SLC35F2: variants seen among roughly 807,000 people sequenced by gnomAD.
SLC35F2 encodes queuine/queuosine transporter SLC35F2.
In SLC35F2, 25 loss-of-function variants were observed where a neutral mutation model predicts 38.1. The observed-to-expected ratio is 0.66, with a 90% CI of 0.48 to 0.92. The LOEUF is 0.92. SLC35F2 is among the 40% of genes least tolerant of loss of function. SLC35F2 has a pLI of 0.00. For missense variants in SLC35F2, 409 were observed against 452.9 expected, an observed-to-expected ratio of 0.90 and a Z score of 0.88; for synonymous variants, 173 against 181.7, an observed-to-expected ratio of 0.95 and a Z score of 0.38.
intron 1 of SLC35F2, among the ~76,000 whole-genome samples, chr11:107,856,510 C>A (rs1048050399): frequency 2.0e-5 from 3 of 152,214 alleles, no homozygotes; most frequent in African/African-American, 7.2e-5. Flanking sequence ...GCCTGGTCAA[C>A]ATGGGGAAAC....
chr11:107,836,736 G>C (rs71464783), intron 1 of SLC35F2, among the ~76,000 whole-genome samples: 82,240 of 151,522 alleles, frequency 0.54, 23,728 homozygotes, highest in African/African-American at 0.77. Context: ...CCGGGAAGAT[G>C]AATGTTGGCT....
intron 1 of SLC35F2, among the ~76,000 whole-genome samples, chr11:107,833,930 C>CA (rs1859889956): frequency 6.6e-6 from 1 of 152,272 alleles, no homozygotes; most frequent in African/African-American, 2.4e-5. Flanking sequence ...CAAATGGTTA[C>CA]AAAAAAGCAA....
intron 2 of SLC35F2, among the ~76,000 whole-genome samples, chr11:107,812,672 G>A (rs1565431511): frequency 6.6e-6 from 1 of 152,034 alleles, no homozygotes; most frequent in Non-Finnish European, 1.5e-5. Context: ...CATGTATGCT[G>A]GAACTTAAAA....
chr11:107,820,084 A>C (rs112393278), intron 1 of SLC35F2, among the ~76,000 whole-genome samples: 8,355 of 151,776 alleles, frequency 0.055, 461 homozygotes, highest in African/African-American at 0.14. Flanking sequence ...GGTGAAACCC[A>C]GTCTCTACTA....
chr11:107,855,606 C>T (rs1044557229), intron 1 of SLC35F2, among the ~76,000 whole-genome samples: 19 of 151,188 alleles, frequency 1.3e-4, no homozygotes, highest in East Asian at 3.9e-4. Flanking sequence ...GAGCCGAGAT[C>T]GCGCCATTGA....
chr11:107,805,647 T>C lies in SLC35F2; in HGVS notation c.575-132A>G, dbSNP rs17107496. On this transcript the variant is annotated intron_variant, in intron 4 of 7. Coordinates refer to ENST00000525815, the MANE Select transcript of SLC35F2 (RefSeq NM_017515.5). ...AAGAAGAAACTGGTTACTAGAAGTT[T>C]ATGTGTGAGAGTGTGTGTGTGTGTA... The C allele has an allele frequency of 0.027, 39,889 of 1,451,728 alleles. 4,676 individuals carry two copies. The East Asian group carries it at 0.31, about 11-fold the overall frequency. 89.9% of individuals were successfully genotyped at this position (1,451,728 alleles called of 1,614,324 possible).
At chr11:107,853,992 G>A (rs998781447) in intron 1 of SLC35F2, among the ~76,000 whole-genome samples, 3 of 152,036 alleles carry the variant, frequency 2.0e-5, no homozygotes, top group Non-Finnish European at 4.4e-5. Flanking sequence ...CAAGATGGGA[G>A]GATTGCTTGA....
chr11:107,811,372 A>T (rs1468653125), intron 3 of SLC35F2: 3 of 429,666 alleles, frequency 7.0e-6, no homozygotes, highest in Admixed American at 1.3e-4. Context: ...AGCATATAAA[A>T]CAGAACACGT....
intron 1 of SLC35F2, among the ~76,000 whole-genome samples, chr11:107,853,953 C>G (rs1156285555): frequency 1.3e-5 from 2 of 152,156 alleles, no homozygotes; most frequent in African/African-American, 4.8e-5. Context: ...TGCAGTGACT[C>G]ATGCCTGTGA....
At chr11:107,853,613 G>C (rs537043757) in intron 1 of SLC35F2, among the ~76,000 whole-genome samples, 1 of 151,624 alleles carries the variant, frequency 6.6e-6, no homozygotes, top group East Asian at 2.0e-4. Context: ...CCAGCTACTC[G>C]GGAGGCTGAG....
At chr11:107,831,290 G>T (rs1475833416) in intron 1 of SLC35F2, among the ~76,000 whole-genome samples, 1 of 152,200 alleles carries the variant, frequency 6.6e-6, no homozygotes, top group East Asian at 1.9e-4. Context: ...AAAATAAGTT[G>T]CAAAACTCAT....
rs34376803 is a variant in SLC35F2 at position 107,833,518 on chromosome 11, C to CAA, written c.111-17555_111-17554dup. On this transcript the variant is annotated intron_variant, in intron 1 of 7. Transcript: ENST00000525815. ...TGGGCATCAGAGTGAGACTCTGTCT[C>CAA]AAAAAAAAAAAAAAAAAAAGGAGAG... is the stretch of plus-strand genomic sequence containing the variant. Among the ~76,000 whole-genome samples the CAA allele has an allele frequency of 6.9e-3, 620 of 89,316 alleles. 15 individuals carry two copies. Among genetic ancestry groups the CAA allele is most frequent in the Middle Eastern group, 0.027 (5 of 186 alleles). 58.6% of individuals were successfully genotyped at this position (89,316 alleles called of 152,430 possible).
chr11:107,854,226 G>A (rs903238571), intron 1 of SLC35F2, among the ~76,000 whole-genome samples: 1 of 150,836 alleles, frequency 6.6e-6, no homozygotes, highest in East Asian at 2.0e-4. Context: ...GAGCCAAAGA[G>A]TTTGAGACCA....
intron 1 of SLC35F2, 149 bp downstream of exon 1, chr11:107,858,509 C>G: frequency 1.7e-6 from 1 of 589,994 alleles, no homozygotes; most frequent in Non-Finnish European, 2.6e-6. Flanking sequence ...ACCTGGTGTG[C>G]GTGTTGAGCC....
chr11:107,832,385 T>C (rs951327103), intron 1 of SLC35F2, among the ~76,000 whole-genome samples: 2 of 152,214 alleles, frequency 1.3e-5, no homozygotes, highest in African/African-American at 2.4e-5. Context: ...ACTTGATGAA[T>C]TGATTGATGG....
At position 107,827,027 on chromosome 11, in the gene SLC35F2, A is replaced by G. The variant is rs1216953179; in HGVS notation, c.111-11062T>C. Among the ~76,000 whole-genome samples, 5 of 152,190 alleles carry G rather than the reference A, an allele frequency of 3.3e-5. No individual in the cohort carries two copies. In the East Asian group the frequency reaches 9.6e-4, roughly 29 times the overall value. On this transcript the variant is annotated intron_variant, in intron 1 of 7. Transcript: ENST00000525815. ...ATTGTATATACATATTGATATATGA[A>G]TATCGTATATACATACATATACAAT...
chr11:107,839,684 G>A (rs545303018), intron 1 of SLC35F2, among the ~76,000 whole-genome samples: 161 of 152,244 alleles, frequency 1.1e-3, no homozygotes, highest in Non-Finnish European at 2.1e-3. Context: ...ACGGAGTTTC[G>A]CTCTTGTAGC....
intron 1 of SLC35F2, among the ~76,000 whole-genome samples, chr11:107,831,308 GGACAGGGT>G: frequency 6.6e-6 from 1 of 152,308 alleles, no homozygotes; most frequent in African/African-American, 2.4e-5. Flanking sequence ...CATTGGAATG[GGACAGGGT>G]GATAGTATTT....
chr11:107,841,558 C>A (rs1217461326), intron 1 of SLC35F2, among the ~76,000 whole-genome samples: 36 of 95,468 alleles, frequency 3.8e-4, no homozygotes, highest in Non-Finnish European at 5.7e-4. Context: ...GACTCCAACT[C>A]AAAAAAAAAA....
Sources: gnomAD v4.1 joint callset for allele counts (sites outside exome capture counted in the v4.1 genomes callset) on GRCh38, gnomAD v4.1.1 for gene constraint, MANE v1.5 for transcripts, NCBI Gene and HGNC (gene_info 2026-07-23, HGNC 2026-07-21) for gene names.